The following TRAPPC9 variants were observed in gnomAD, a reference collection of about 807,000 sequenced individuals.
TRAPPC9 encodes IKK2 binding protein.
Under a neutral mutation model 124.0 loss-of-function variants are expected in TRAPPC9, and 83 were observed. The ratio of observed to expected loss-of-function variants is 0.67; its 90% CI spans 0.56 to 0.80. The LOEUF (loss-of-function observed/expected upper bound fraction) is 0.80, where lower values mean the gene tolerates loss of function less well. Among genes scored for constraint, TRAPPC9 ranks in the 30% least tolerant of loss-of-function variants. The probability of loss-of-function intolerance (pLI) is 0.00; values close to 1 mark genes in which losing one functional copy is unlikely to be tolerated. For synonymous variants in TRAPPC9, 638 were observed against 617.5 expected (o/e 1.03, Z -0.49); for missense variants, 1,302 against 1,508.3 (o/e 0.86, Z 2.27).
At chr8:140,397,498 G>T in intron 7 of TRAPPC9, 122 bp downstream of exon 7, 1 of 1,112,236 alleles carries the variant, frequency 9.0e-7, no homozygotes, top group Non-Finnish European at 1.4e-6. Flanking sequence ...ATCAAGTTAA[G>T]ATTCAACAGT....
chr8:139,918,871 T>C (rs1193349063), intron 19 of TRAPPC9, among the ~76,000 whole-genome samples: 1 of 152,106 alleles, frequency 6.6e-6, no homozygotes. Flanking sequence ...GCACCACGGG[T>C]CATTTTAAAT....
chr8:140,051,377 G>A (rs966323703), intron 17 of TRAPPC9, among the ~76,000 whole-genome samples: 10 of 152,276 alleles, frequency 6.6e-5, no homozygotes, highest in Non-Finnish European at 1.2e-4. Flanking sequence ...TTTTTCACAT[G>A]GGTGTATCTG....
At chr8:139,862,905 A>C (rs1466877904) in intron 21 of TRAPPC9, among the ~76,000 whole-genome samples, 2 of 152,078 alleles carry the variant, frequency 1.3e-5, no homozygotes, top group Non-Finnish European at 2.9e-5. Flanking sequence ...GTGTGGCGCC[A>C]CCTTTCGATC....
chr8:140,334,910 G>T lies in TRAPPC9; in HGVS notation c.1496-23536C>A, dbSNP rs114637779. The stretch of plus-strand genomic sequence containing the variant: ...TTAATTTCTTAATAACAGGAAACAG[G>T]GAAAGTACAAGAACAGAGCATGCTA... On this transcript the variant is annotated intron_variant, in intron 9 of 22. Transcript: ENST00000438773. 8.7e-3 allele frequency among the ~76,000 whole-genome samples: 1,325 copies of T among 151,774 alleles called. 9 individuals carry two copies. Among genetic ancestry groups the T allele is most frequent in the Non-Finnish European group, 0.014 (955 of 67,976 alleles).
In TRAPPC9 at chr8:140,415,668, CTTACATTTTT is replaced by C. The variant is rs552442833; in HGVS notation, c.887-9980_887-9971del. Among the ~76,000 whole-genome samples, 10 of 151,604 alleles carry C rather than the reference CTTACATTTTT, an allele frequency of 6.6e-5. No homozygotes were observed. In the South Asian group the frequency reaches 2.1e-3, roughly 32 times the overall value. On this transcript the variant is annotated intron_variant, in intron 5 of 22. Coordinates refer to ENST00000438773, the MANE Select transcript of TRAPPC9 (RefSeq NM_001160372.4). The stretch of plus-strand genomic sequence containing the variant: ...AGAGGGCAATTTGTAGCTATAAATA[CTTACATTTTT>C]TAAAAACAGGCCAGGTGCAGTGGCT...
chr8:139,737,169 C>T (rs983441637), intron 21 of TRAPPC9, among the ~76,000 whole-genome samples: 6 of 152,192 alleles, frequency 3.9e-5, no homozygotes, highest in Non-Finnish European at 2.9e-5. Context: ...GCTCCCCCAG[C>T]ATTCGGCTTC....
intron 17 of TRAPPC9, among the ~76,000 whole-genome samples, chr8:140,148,990 G>A (rs1337020060): frequency 6.6e-6 from 1 of 152,072 alleles, no homozygotes. Flanking sequence ...TTTGGGGGTG[G>A]GTTTCTTCTT....
chr8:139,961,945 G>A (rs1026755167), intron 19 of TRAPPC9, among the ~76,000 whole-genome samples: 1 of 124,006 alleles, frequency 8.1e-6, no homozygotes, highest in East Asian at 2.2e-4. Context: ...CCCCTCTGCT[G>A]ATAGCTGGAG....
At chr8:139,838,331 T>C (rs531647354) in intron 21 of TRAPPC9, among the ~76,000 whole-genome samples, 1 of 152,304 alleles carries the variant, frequency 6.6e-6, no homozygotes, top group Admixed American at 6.5e-5. Flanking sequence ...CCTTATGGCT[T>C]TTCTTCCCTG....
chr8:139,933,802 A>G (rs1419348398), intron 19 of TRAPPC9: 1 of 152,254 alleles, frequency 6.6e-6, no homozygotes. Flanking sequence ...CTGGACCGCT[A>G]TGGATTCCAG....
intron 19 of TRAPPC9, chr8:139,932,781 G>C (rs757826372): frequency 8.7e-6 from 3 of 345,456 alleles, no homozygotes; most frequent in African/African-American, 2.2e-5. Context: ...AAAAAGCACT[G>C]TCATGCAGGG....
At chr8:140,423,394 C>G (rs78559770) in intron 5 of TRAPPC9, among the ~76,000 whole-genome samples, 3,596 of 151,934 alleles carry the variant, frequency 0.024, 60 homozygotes, top group South Asian at 0.07. Context: ...GAGCCAAGAC[C>G]GCACCATTGC....
intron 19 of TRAPPC9, among the ~76,000 whole-genome samples, chr8:139,928,353 G>A (rs748519221): frequency 6.6e-6 from 1 of 152,134 alleles, no homozygotes; most frequent in Non-Finnish European, 1.5e-5. Context: ...TTAGCTGGGT[G>A]TGGTGGTGGG....
intron 18 of TRAPPC9, among the ~76,000 whole-genome samples, chr8:139,993,082 C>A (rs778356350): frequency 3.3e-5 from 5 of 151,956 alleles, no homozygotes; most frequent in African/African-American, 4.8e-5. Flanking sequence ...AATTTTGGTA[C>A]AATGAAAAAC....
chr8:140,341,356 A>AC (rs1397927515), intron 9 of TRAPPC9, among the ~76,000 whole-genome samples: 1 of 152,046 alleles, frequency 6.6e-6, no homozygotes, highest in East Asian at 1.9e-4. Context: ...TGGAAAACCC[A>AC]CGTGTCTGCT....
At chr8:140,031,964 G>A (rs1563704839) in intron 17 of TRAPPC9, among the ~76,000 whole-genome samples, 2 of 152,168 alleles carry the variant, frequency 1.3e-5, no homozygotes, top group Non-Finnish European at 2.9e-5. Context: ...TCAGAGAGTC[G>A]AGGCCAGACA....
At chr8:139,836,945 T>C (rs1165412693) in intron 21 of TRAPPC9, among the ~76,000 whole-genome samples, 1 of 152,088 alleles carries the variant, frequency 6.6e-6, no homozygotes, top group Non-Finnish European at 1.5e-5. Context: ...TTGTCGTTGT[T>C]GTTGTTAAAA....
intron 17 of TRAPPC9, among the ~76,000 whole-genome samples, chr8:140,193,737 A>G (rs1340179573): frequency 6.6e-6 from 1 of 151,986 alleles, no homozygotes; most frequent in Admixed American, 6.6e-5. Context: ...TGGGAAGAGC[A>G]TGCACTTTGA....
At chr8:140,166,453 A>T (rs978815871) in intron 17 of TRAPPC9, among the ~76,000 whole-genome samples, 10 of 152,258 alleles carry the variant, frequency 6.6e-5, no homozygotes, top group African/African-American at 2.2e-4. Flanking sequence ...CCTCACCTCC[A>T]GGGAGCTCAA....
Sources: gnomAD v4.1 joint callset for allele counts (sites outside exome capture counted in the v4.1 genomes callset) on GRCh38, gnomAD v4.1.1 for gene constraint, MANE v1.5 for transcripts, NCBI Gene and HGNC (gene_info 2026-07-23, HGNC 2026-07-21) for gene names.